The following CENPK variants were observed in gnomAD, a reference collection of about 807,000 sequenced individuals.
CENPK encodes centromere protein K.
CENPK carries 46 observed loss-of-function variants against 40.9 expected under a neutral mutation model. That is an observed-to-expected ratio of 1.13 (90% CI 0.89 to 1.44). The LOEUF is 1.44. Ranked by LOEUF, CENPK falls within the 40% of genes most tolerant of loss-of-function variation. CENPK has a pLI of 0.00. For missense variants in CENPK, 288 were observed against 303.5 expected (o/e 0.95, Z 0.38); for synonymous variants, 107 against 104.4 (o/e 1.02, Z -0.15).
At chr5:65,496,624 C>T in the CENPK span, among the ~76,000 whole-genome samples, 1 of 151,906 alleles carries the variant, frequency 6.6e-6, no homozygotes, top group African/African-American at 2.4e-5. Context: ...TAGCACATGT[C>T]ATACAGTTAG....
At chr5:65,560,149 T>G (rs12514697) in intron 2 of CENPK, among the ~76,000 whole-genome samples, 28,984 of 151,964 alleles carry the variant, frequency 0.19, 3,411 homozygotes, top group South Asian at 0.32. Context: ...ACCAAAATTT[T>G]TTTTTTAATT....
chr5:65,544,097 A>C (rs139405578), intron 5 of CENPK, among the ~76,000 whole-genome samples: 45 of 152,296 alleles, frequency 3.0e-4, no homozygotes, highest in African/African-American at 1.0e-3. Context: ...ACAGGGAAGA[A>C]CTTTCTACAT....
the CENPK span, among the ~76,000 whole-genome samples, chr5:65,506,867 T>C: frequency 6.6e-6 from 1 of 152,192 alleles, no homozygotes; most frequent in African/African-American, 2.4e-5. Flanking sequence ...GTCACACTAT[T>C]CTATAAAACT....
intron 4 of CENPK, among the ~76,000 whole-genome samples, 191 bp downstream of exon 4, chr5:65,552,302 T>C (rs1750221827): frequency 1.3e-5 from 2 of 152,210 alleles, no homozygotes; most frequent in Admixed American, 1.3e-4. Flanking sequence ...TATAATAGCT[T>C]GTTCTAGAAA....
chr5:65,548,337 GCTAA>G (rs1432860239), intron 5 of CENPK, among the ~76,000 whole-genome samples: 1 of 152,158 alleles, frequency 6.6e-6, no homozygotes, highest in East Asian at 1.9e-4. Flanking sequence ...GCTAAAAATT[GCTAA>G]CTGAGATGCC....
chr5:65,542,729 T>C, intron 6 of CENPK, 73 bp downstream of exon 6: 2 of 1,083,620 alleles, frequency 1.8e-6, no homozygotes, highest in South Asian at 1.5e-5. Flanking sequence ...CTATTTCTTA[T>C]GCCATGAACT....
intron 6 of CENPK, among the ~76,000 whole-genome samples, chr5:65,531,483 T>TGA (rs1252409480): frequency 6.6e-6 from 1 of 151,038 alleles, no homozygotes; most frequent in African/African-American, 2.4e-5. Flanking sequence ...AGTAATCAGA[T>TGA]GAGAATTCAG....
chr5:65,534,931 A>G (rs1746601132), intron 6 of CENPK, among the ~76,000 whole-genome samples: 1 of 152,210 alleles, frequency 6.6e-6, no homozygotes, highest in Non-Finnish European at 1.5e-5. Context: ...GAGAAAATGA[A>G]AAGAAGTCGG....
intron 2 of CENPK, among the ~76,000 whole-genome samples, chr5:65,555,910 C>A (rs149514): frequency 0.52 from 78,386 of 152,002 alleles, 20,485 homozygotes; most frequent in Non-Finnish European, 0.55. Context: ...TACATGTCTG[C>A]AGTTGAAAGC....
At chr5:65,541,231 T>C (rs544578540) in intron 6 of CENPK, 2 of 355,262 alleles carry the variant, frequency 5.6e-6, no homozygotes, top group Admixed American at 6.4e-5. Context: ...GAGGAGGGGA[T>C]CATGGAAACC....
chr5:65,515,204 A>ATTTTTTTTTTTTTTT (rs1554102335), downstream of CENPK, among the ~76,000 whole-genome samples: 2 of 124,066 alleles, frequency 1.6e-5, no homozygotes, highest in African/African-American at 3.1e-5. Context: ...TCTCAAAAAA[A>ATTTTTTTTTTTTTTT]TTTTTTTTTT....
At chr5:65,560,446 A>G (rs1472229876) in intron 2 of CENPK, among the ~76,000 whole-genome samples, 2 of 152,104 alleles carry the variant, frequency 1.3e-5, no homozygotes, top group Non-Finnish European at 2.9e-5. Flanking sequence ...TCAAAGTTTT[A>G]TTTTTTGACT....
At chr5:65,547,479 CAAATT>C (rs1353567631) in intron 5 of CENPK, among the ~76,000 whole-genome samples, 3 of 151,174 alleles carry the variant, frequency 2.0e-5, no homozygotes, top group Non-Finnish European at 1.5e-5. Flanking sequence ...CGGTTGAAGA[CAAATT>C]AAAATCACAA....
At chr5:65,549,818 C>G (rs1475513864) in intron 5 of CENPK, among the ~76,000 whole-genome samples, 1 of 152,114 alleles carries the variant, frequency 6.6e-6, no homozygotes, top group Non-Finnish European at 1.5e-5. Flanking sequence ...TCTAAGTAGA[C>G]TAGTAAAACT....
In CENPK at chr5:65,518,907, A is replaced by G. The variant is rs1176312931; in HGVS notation, c.652-274T>C. Reference sequence around the variant, plus strand: ...AATCCTCCCACTTCTTTTGAGATTAATATCTTCTTTAGGATAAAGACAAAA... The same window carrying G: ...AATCCTCCCACTTCTTTTGAGATTAGTATCTTCTTTAGGATAAAGACAAAA... On this transcript the variant is annotated intron_variant, in intron 10 of 10. Transcript: ENST00000396679. 3.9e-5 allele frequency among the ~76,000 whole-genome samples: 6 copies of G among 152,342 alleles called. No homozygotes were observed. In the East Asian group the frequency reaches 9.6e-4, roughly 24 times the overall value.
chr5:65,533,087 C>T (rs1024387460), intron 6 of CENPK, among the ~76,000 whole-genome samples: 2 of 151,620 alleles, frequency 1.3e-5, no homozygotes, highest in East Asian at 1.9e-4. Flanking sequence ...AGGCCAGGGG[C>T]GGTGGCTCAT....
the CENPK span, among the ~76,000 whole-genome samples, chr5:65,506,562 T>A: frequency 6.6e-6 from 1 of 152,164 alleles, no homozygotes; most frequent in African/African-American, 2.4e-5. Context: ...GGCAGGCAGA[T>A]CACTTGAGGT....
chr5:65,547,239 A>G (rs1414387659), intron 5 of CENPK, among the ~76,000 whole-genome samples: 1 of 152,062 alleles, frequency 6.6e-6, no homozygotes, highest in Non-Finnish European at 1.5e-5. Context: ...CTACAAATAC[A>G]AAAATTAGCC....
chr5:65,539,357 G>C (rs1747536305), intron 6 of CENPK, among the ~76,000 whole-genome samples: 1 of 152,274 alleles, frequency 6.6e-6, no homozygotes, highest in Middle Eastern at 3.4e-3. Flanking sequence ...GAAGCAAATT[G>C]ATCTCCAACT....
Sources: gnomAD v4.1 joint callset for allele counts (sites outside exome capture counted in the v4.1 genomes callset) on GRCh38, gnomAD v4.1.1 for gene constraint, MANE v1.5 for transcripts, NCBI Gene and HGNC (gene_info 2026-07-23, HGNC 2026-07-21) for gene names.